Variants in INPP5B observed in about 807,000 individuals in gnomAD.
INPP5B encodes type II inositol 1,4,5-trisphosphate 5-phosphatase.
Under a neutral mutation model 118.5 loss-of-function variants are expected in INPP5B, and 90 were observed. The ratio of observed to expected loss-of-function variants is 0.76; its 90% CI spans 0.64 to 0.90. The LOEUF (loss-of-function observed/expected upper bound fraction) is 0.90. Ranked by LOEUF, INPP5B falls within the 40% of genes least tolerant of loss-of-function variation. The probability of loss-of-function intolerance (pLI) is 0.00; values close to 1 mark genes in which losing one functional copy is unlikely to be tolerated. For synonymous variants in INPP5B, 385 were observed against 418.9 expected, an observed-to-expected ratio of 0.92 and a Z score of 0.99; for missense variants, 984 against 1,125.6, an observed-to-expected ratio of 0.87 and a Z score of 1.80.
At chr1:37,934,842 C>T (rs567629199) in intron 6 of INPP5B, among the ~76,000 whole-genome samples, 1 of 152,220 alleles carries the variant, frequency 6.6e-6, no homozygotes, top group South Asian at 2.1e-4. Flanking sequence ...AACCTCTGCT[C>T]CTGCAGTCAA....
chr1:37,865,325 G>C (rs1641962966), intron 22 of INPP5B, among the ~76,000 whole-genome samples: 1 of 152,198 alleles, frequency 6.6e-6, no homozygotes, highest in African/African-American at 2.4e-5. Flanking sequence ...CAATATTTAA[G>C]AAAATCAGTA....
At position 37,874,163 on chromosome 1, in the gene INPP5B, G is replaced by T; in HGVS notation, c.1789-8C>A. ...CACATTCTGAAAACAGAACTGGGAAGAAGCCCGGGGCCAGTGAAAACCAGT... is the reference window on the plus strand; with the variant it reads ...CACATTCTGAAAACAGAACTGGGAATAAGCCCGGGGCCAGTGAAAACCAGT... On this transcript the variant is annotated splice_polypyrimidine_tract_variant and splice_region_variant and intron_variant, in intron 17 of 23. Transcript: ENST00000373024. 6.4e-7 allele frequency: 1 copy of T among 1,551,644 alleles called. No individual in the cohort carries two copies. Among genetic ancestry groups the T allele is most frequent in the Non-Finnish European group, 8.8e-7 (1 of 1,134,924 alleles).
chr1:37,939,232 T>G lies in INPP5B; in HGVS notation c.391+1456A>C, dbSNP rs949094440. On this transcript the variant is annotated intron_variant, in intron 6 of 23. Transcript: ENST00000373024. ...AAAAAAAATCAGCTAGGCATGGTGG[T>G]GGGCGCCTGTAATCCCACCTATTCA... Among the ~76,000 whole-genome samples the G allele has an allele frequency of 2.9e-5, 4 of 139,488 alleles. No homozygotes were observed. The South Asian group carries it at 9.4e-4, about 33-fold the overall frequency. The allele number at this position is 139,488 out of a possible 152,430, so 91.5% of individuals were successfully genotyped here.
At chr1:37,862,640 A>G (rs1410108447) in intron 23 of INPP5B, among the ~76,000 whole-genome samples, 2 of 152,234 alleles carry the variant, frequency 1.3e-5, no homozygotes, top group African/African-American at 4.8e-5. Flanking sequence ...CCTGTACAGC[A>G]TGTTACTATA....
rs1380612711 is a variant in INPP5B, at chr1:37,862,317, A to T, written c.2740T>A (p.Ter914ArgextTer9). ...FIHQFLCNPL* is the reference protein window; with the variant it reads ...FIHQFLCNPLR ...GTAAAATAGGAGGAGAGAGAGGCTC[A>T]GAGTGGGTTGCAGAGGAACTGGTGA... The change falls in exon 24 of 24, where the codon TGA (stop) becomes AGA (arginine). Residue 914 changes from the stop codon to arginine, a stop_lost. Coordinates refer to ENST00000373024, the MANE Select transcript of INPP5B (RefSeq NM_005540.3). 1 of 1,604,330 alleles carries T rather than the reference A, an allele frequency of 6.2e-7. No homozygotes were observed. The highest frequency in any genetic ancestry group is 1.3e-5 in the African/African-American group (1 of 74,738).
intron 14 of INPP5B, 56 bp downstream of exon 14, chr1:37,882,751 T>G (rs1483957815): frequency 7.2e-7 from 1 of 1,387,780 alleles, no homozygotes; most frequent in Non-Finnish European, 1.0e-6. Context: ...CAGGCTTTTC[T>G]GTGCCCTCAT....
At chr1:37,910,582 ATG>A (rs1229305902) in intron 7 of INPP5B, among the ~76,000 whole-genome samples, 10 of 151,458 alleles carry the variant, frequency 6.6e-5, no homozygotes, top group South Asian at 4.2e-4. Flanking sequence ...GCAACGGATG[ATG>A]CACCCCTTAC....
intron 10 of INPP5B, among the ~76,000 whole-genome samples, chr1:37,888,023 A>G (rs1348485476): frequency 6.6e-6 from 1 of 152,218 alleles, no homozygotes; most frequent in Admixed American, 6.5e-5. Context: ...TTTTAACAGA[A>G]GATTACACTA....
rs751575274 is a variant in INPP5B at position 37,862,336 on chromosome 1, C to T, written c.2721G>A (p.Gln907=). ...EKKKAQEFIH[Q]FLCNPL is the part of the protein sequence containing the mutation. ...AGGCTCAGAGTGGGTTGCAGAGGAA[C>T]TGGTGAATAAATTCTTGAGCCTTCT... The change falls in exon 24 of 24, where the codon CAG becomes CAA. Residue 907 remains glutamine (Q), a synonymous_variant. Transcript: ENST00000373024. 2.9e-5 allele frequency: 47 copies of T among 1,613,340 alleles called. No individual in the cohort carries two copies. The highest frequency in any genetic ancestry group is 3.9e-5 in the Non-Finnish European group (46 of 1,179,414).
rs2279261 is a variant in INPP5B, at chr1:37,887,177, G to C, written c.1015-173C>G. Among the ~76,000 whole-genome samples, 90,231 of 151,954 alleles carry C rather than the reference G, an allele frequency of 0.59. 28,637 individuals carry two copies. The highest frequency in any genetic ancestry group is 0.71 in the Non-Finnish European group (48,483 of 67,956). ...CATGCTATGTGCTAACCTACGAGTG[G>C]CGAGACCCTGCATCTTTCCCACCCG... On this transcript the variant is annotated intron_variant, in intron 11 of 23. Coordinates refer to ENST00000373024, the MANE Select transcript of INPP5B (RefSeq NM_005540.3).
chr1:37,866,048 G>T, intron 21 of INPP5B, 160 bp from the exon 22 acceptor site: 1 of 755,814 alleles, frequency 1.3e-6, no homozygotes, highest in Non-Finnish European at 1.6e-6. Flanking sequence ...CTGTTTGTCA[G>T]GTGAGCCAGG....
chr1:37,939,415 A>G (rs1448375441), intron 6 of INPP5B, among the ~76,000 whole-genome samples: 2 of 150,630 alleles, frequency 1.3e-5, no homozygotes, highest in East Asian at 3.9e-4. Context: ...TCAAAGCTCT[A>G]TAATCATGTT....
intron 7 of INPP5B, among the ~76,000 whole-genome samples, chr1:37,920,698 A>T (rs1167037359): frequency 6.6e-6 from 1 of 151,516 alleles, no homozygotes; most frequent in Non-Finnish European, 1.5e-5. Flanking sequence ...ACAAGAGTGT[A>T]AGAGTCAGGT....
chr1:37,863,671 AGAGT>A (rs946160598), intron 23 of INPP5B, among the ~76,000 whole-genome samples: 15 of 151,860 alleles, frequency 9.9e-5, no homozygotes, highest in African/African-American at 2.9e-4. Context: ...CCTGGGTGAC[AGAGT>A]GAGACTTTCT....
At chr1:37,934,144 G>A (rs28605759) in intron 6 of INPP5B, among the ~76,000 whole-genome samples, 52,754 of 151,620 alleles carry the variant, frequency 0.35, 10,759 homozygotes, top group Non-Finnish European at 0.45. Flanking sequence ...ATATTGGTCA[G>A]TCTGGTCTCG....
chr1:37,934,776 C>A (rs1247655430), intron 6 of INPP5B, among the ~76,000 whole-genome samples: 1 of 152,162 alleles, frequency 6.6e-6, no homozygotes. Context: ...GACACACACC[C>A]AATCCTAAAA....
At chr1:37,923,958 A>G (rs1645139700) in intron 7 of INPP5B, among the ~76,000 whole-genome samples, 1 of 151,942 alleles carries the variant, frequency 6.6e-6, no homozygotes, top group Non-Finnish European at 1.5e-5. Context: ...TTGTATTTTT[A>G]GTAAAGACAG....
At chr1:37,898,368 T>C (rs189087704) in intron 7 of INPP5B, among the ~76,000 whole-genome samples, 2 of 152,298 alleles carry the variant, frequency 1.3e-5, no homozygotes, top group Admixed American at 6.5e-5. Flanking sequence ...GTAGTATCTA[T>C]AGCTTTCAAA....
chr1:37,867,806 C>T (rs576035806), intron 20 of INPP5B, among the ~76,000 whole-genome samples: 2 of 152,184 alleles, frequency 1.3e-5, no homozygotes, highest in African/African-American at 2.4e-5. Flanking sequence ...AAATTTGTGG[C>T]CCAGGGGTTG....
Sources: allele counts gnomAD v4.1 joint callset (sites outside exome capture counted in the v4.1 genomes callset), GRCh38; gene constraint gnomAD v4.1.1; transcripts MANE v1.5; gene names NCBI Gene and HGNC (gene_info 2026-07-23, HGNC 2026-07-21).